DAB1: variants seen among roughly 807,000 people sequenced by gnomAD.
DAB1 encodes the protein DAB adaptor protein 1.
A neutral mutation model predicts 64.6 loss-of-function variants in DAB1; 15 were observed. The ratio of observed to expected loss-of-function variants is 0.23; its 90% CI spans 0.16 to 0.36. The LOEUF (loss-of-function observed/expected upper bound fraction) is 0.36, where lower values mean the gene tolerates loss of function less well. Ranked by LOEUF, DAB1 falls within the 10% of genes least tolerant of loss-of-function variation. The pLI is 1.00. For synonymous variants in DAB1, 235 were observed against 251.9 expected (o/e 0.93, Z 0.64); for missense variants, 596 against 706.7 (o/e 0.84, Z 1.78).
At chr1:58,208,450 C>T (rs1658390476) in intron 4 of DAB1, among the ~76,000 whole-genome samples, 1 of 152,060 alleles carries the variant, frequency 6.6e-6, no homozygotes, top group Non-Finnish European at 1.5e-5. Flanking sequence ...CCCCTTGACA[C>T]CTTTCTCTCC....
intron 4 of DAB1, among the ~76,000 whole-genome samples, chr1:58,259,105 T>C (rs1190613000): frequency 1.3e-5 from 2 of 152,222 alleles, no homozygotes; most frequent in African/African-American, 4.8e-5. Context: ...AAGTGACCCA[T>C]AGTAGGCACT....
chr1:57,324,016 G>A (rs1198771277), intron 1 of DAB1, among the ~76,000 whole-genome samples: 2 of 152,240 alleles, frequency 1.3e-5, no homozygotes, highest in Non-Finnish European at 1.5e-5. Flanking sequence ...AGTTACACAT[G>A]TTTGGGGCAA....
chr1:58,134,667 G>T (rs1484797192), intron 5 of DAB1, among the ~76,000 whole-genome samples: 1 of 152,174 alleles, frequency 6.6e-6, no homozygotes, highest in African/African-American at 2.4e-5. Context: ...CAGTGAAGGG[G>T]ACGGTGATAC....
chr1:57,965,194 G>C (rs1050182705), intron 5 of DAB1, among the ~76,000 whole-genome samples: 10 of 152,196 alleles, frequency 6.6e-5, no homozygotes, highest in Non-Finnish European at 1.3e-4. Context: ...AGATCGTAGA[G>C]AGTGTCAGCT....
intron 5 of DAB1, among the ~76,000 whole-genome samples, chr1:58,050,923 A>G (rs927540636): frequency 2.6e-5 from 4 of 152,098 alleles, no homozygotes; most frequent in Non-Finnish European, 4.4e-5. Flanking sequence ...TCATTCACCA[A>G]ATATTACTGA....
At chr1:57,034,664 C>T (rs1189880466) in intron 9 of DAB1, among the ~76,000 whole-genome samples, 1 of 152,068 alleles carries the variant, frequency 6.6e-6, no homozygotes, top group Non-Finnish European at 1.5e-5. Flanking sequence ...ATCTTAATGG[C>T]CATGTTCTAG....
At chr1:57,529,955 T>A (rs1644642117) in intron 7 of DAB1, among the ~76,000 whole-genome samples, 2 of 152,100 alleles carry the variant, frequency 1.3e-5, no homozygotes, top group African/African-American at 4.8e-5. Context: ...GCTTACTAGA[T>A]ATATGAGTAT....
chr1:57,446,993 G>A (rs1216485606), intron 7 of DAB1, among the ~76,000 whole-genome samples: 2 of 152,116 alleles, frequency 1.3e-5, no homozygotes, highest in Non-Finnish European at 2.9e-5. Context: ...ATTTTTATCA[G>A]TCATATGTTC....
chr1:57,682,193 T>A (rs1034503400), intron 6 of DAB1, among the ~76,000 whole-genome samples: 9 of 151,578 alleles, frequency 5.9e-5, no homozygotes, highest in Non-Finnish European at 1.5e-5. Flanking sequence ...TAGTTTCCTT[T>A]AAAACAGTCA....
intron 1 of DAB1, among the ~76,000 whole-genome samples, chr1:57,316,494 C>T: frequency 6.6e-6 from 1 of 152,128 alleles, no homozygotes; most frequent in East Asian, 1.9e-4. Context: ...CCAGCAGCAG[C>T]ATCTGTCTCC....
intron 5 of DAB1, among the ~76,000 whole-genome samples, chr1:58,107,089 A>G (rs1208881294): frequency 6.6e-6 from 1 of 151,954 alleles, no homozygotes; most frequent in Non-Finnish European, 1.5e-5. Context: ...CTAGTAAAAA[A>G]AAACCCAGAA....
At chr1:58,244,810 G>A (rs1484201384) in intron 4 of DAB1, among the ~76,000 whole-genome samples, 1 of 152,188 alleles carries the variant, frequency 6.6e-6, no homozygotes, top group Admixed American at 6.6e-5. Context: ...AGGATCGTTA[G>A]GAGGATGAAA....
chr1:58,484,081 C>T (rs569673091), intron 3 of DAB1, among the ~76,000 whole-genome samples: 230 of 152,270 alleles, frequency 1.5e-3, no homozygotes, highest in African/African-American at 5.1e-3. Flanking sequence ...TCCTTAAATT[C>T]GCTTATTCAG....
At chr1:58,324,377 C>T (rs1662772003) in intron 4 of DAB1, among the ~76,000 whole-genome samples, 1 of 152,168 alleles carries the variant, frequency 6.6e-6, no homozygotes, top group Non-Finnish European at 1.5e-5. Context: ...CGGGTCTCAG[C>T]TCTTCGAGTT....
chr1:57,294,383 C>T (rs1238378185), intron 1 of DAB1, among the ~76,000 whole-genome samples: 1 of 152,060 alleles, frequency 6.6e-6, no homozygotes, highest in Non-Finnish European at 1.5e-5. Context: ...TAGTGAACTG[C>T]TTCTAAAATG....
chr1:57,084,455 G>T (rs1158362421), intron 4 of DAB1, among the ~76,000 whole-genome samples: 2 of 152,168 alleles, frequency 1.3e-5, no homozygotes, highest in Non-Finnish European at 2.9e-5. Flanking sequence ...TGTTGTTTCA[G>T]CTGTCCAGTT....
chr1:57,489,537 GCCTCC>G (rs1277204010), intron 7 of DAB1, among the ~76,000 whole-genome samples: 1 of 152,108 alleles, frequency 6.6e-6, no homozygotes, highest in Non-Finnish European at 1.5e-5. Flanking sequence ...TGCTCACAAA[GCCTCC>G]CTCAACAATG....
At chr1:57,175,407 C>T (rs1253173307) in intron 2 of DAB1, among the ~76,000 whole-genome samples, 1 of 150,826 alleles carries the variant, frequency 6.6e-6, no homozygotes, top group African/African-American at 2.4e-5. Flanking sequence ...GTTGGGTTAA[C>T]ATACTATCAG....
intron 4 of DAB1, among the ~76,000 whole-genome samples, chr1:57,084,846 A>T (rs1258455876): frequency 6.6e-6 from 1 of 152,222 alleles, no homozygotes; most frequent in African/African-American, 2.4e-5. Context: ...GCTGTGCAGC[A>T]GTCCCCAAAT....
Sources: gnomAD v4.1 joint callset for allele counts (sites outside exome capture counted in the v4.1 genomes callset) on GRCh38, gnomAD v4.1.1 for gene constraint, MANE v1.5 for transcripts, NCBI Gene and HGNC (gene_info 2026-07-23, HGNC 2026-07-21) for gene names.